MACROD2: variants seen among roughly 807,000 people sequenced by gnomAD.
MACROD2 encodes ADP-ribose glycohydrolase MACROD2.
MACROD2 carries 36 observed loss-of-function variants against 70.4 expected under a neutral mutation model. That is an observed-to-expected ratio of 0.51 (90% CI 0.39 to 0.68). The LOEUF is 0.68. Ranked by LOEUF, MACROD2 falls within the 30% of genes least tolerant of loss-of-function variation. MACROD2 has a pLI of 0.00. For missense variants in MACROD2, 496 were observed against 538.4 expected, an observed-to-expected ratio of 0.92 and a Z score of 0.78; for synonymous variants, 172 against 178.8, an observed-to-expected ratio of 0.96 and a Z score of 0.30.
chr20:14,810,406 C>G (rs2072694688), intron 5 of MACROD2, among the ~76,000 whole-genome samples: 1 of 152,070 alleles, frequency 6.6e-6, no homozygotes, highest in South Asian at 2.1e-4. Context: ...ATGCTAAAAA[C>G]TCTCAATAAA....
intron 5 of MACROD2, among the ~76,000 whole-genome samples, chr20:15,182,010 A>G (rs1331701457): frequency 6.6e-6 from 1 of 152,164 alleles, no homozygotes; most frequent in Non-Finnish European, 1.5e-5. Context: ...AGGTGGTCAG[A>G]TCATACCCCT....
At chr20:14,528,852 G>T (rs1568655781) in intron 4 of MACROD2, among the ~76,000 whole-genome samples, 4 of 152,248 alleles carry the variant, frequency 2.6e-5, no homozygotes, top group Admixed American at 2.0e-4. Flanking sequence ...GTAGGTGCAA[G>T]TTATCTAATT....
At chr20:14,177,669 G>T (rs910693931) in intron 3 of MACROD2, among the ~76,000 whole-genome samples, 17 of 152,188 alleles carry the variant, frequency 1.1e-4, no homozygotes, top group African/African-American at 4.1e-4. Context: ...ATCGACCAAT[G>T]ACCAGTGAAA....
intron 2 of MACROD2, among the ~76,000 whole-genome samples, chr20:14,059,062 C>T (rs1192128016): frequency 4.6e-5 from 7 of 152,090 alleles, no homozygotes; most frequent in Non-Finnish European, 8.8e-5. Flanking sequence ...TTTAATTCTC[C>T]TGAAAACTAT....
intron 8 of MACROD2, among the ~76,000 whole-genome samples, chr20:15,736,781 C>A (rs1209036407): frequency 1.3e-5 from 2 of 152,132 alleles, no homozygotes; most frequent in Non-Finnish European, 2.9e-5. Flanking sequence ...CTTTAAGTAG[C>A]CATTGGCTCC....
chr20:15,860,387 C>T (rs781558535), intron 8 of MACROD2, among the ~76,000 whole-genome samples: 9 of 151,984 alleles, frequency 5.9e-5, no homozygotes, highest in Non-Finnish European at 1.2e-4. Context: ...ATTTTTTGAT[C>T]GGTTGGTTGA....
At chr20:15,129,934 A>G (rs1473046792) in intron 5 of MACROD2, among the ~76,000 whole-genome samples, 1 of 152,126 alleles carries the variant, frequency 6.6e-6, no homozygotes, top group Non-Finnish European at 1.5e-5. Context: ...GAGGAACAGA[A>G]AGCAGTAGAG....
intron 8 of MACROD2, among the ~76,000 whole-genome samples, chr20:15,526,008 C>T (rs2047716541): frequency 6.6e-6 from 1 of 152,080 alleles, no homozygotes; most frequent in African/African-American, 2.4e-5. Context: ...TTATTTTTAA[C>T]ATCTAATAAA....
chr20:14,963,061 G>A (rs2074599105), intron 5 of MACROD2, among the ~76,000 whole-genome samples: 1 of 152,090 alleles, frequency 6.6e-6, no homozygotes, highest in South Asian at 2.1e-4. Context: ...TTAGCTAGTG[G>A]TTATTCAGAA....
intron 4 of MACROD2, among the ~76,000 whole-genome samples, chr20:14,671,564 A>G (rs2070794756): frequency 6.6e-6 from 1 of 152,152 alleles, no homozygotes; most frequent in Non-Finnish European, 1.5e-5. Context: ...ATCAGTCCCT[A>G]CGTTTTTGGA....
chr20:14,107,825 C>G (rs566088065), intron 3 of MACROD2, among the ~76,000 whole-genome samples: 21 of 152,148 alleles, frequency 1.4e-4, no homozygotes, highest in South Asian at 1.0e-3. Flanking sequence ...GAAAGACCTT[C>G]CCAGAGAAAG....
In MACROD2 at chr20:15,648,628, C is replaced by T. The variant is rs1165212400; in HGVS notation, c.645+148781C>T. Among the ~76,000 whole-genome samples, 6 of 152,098 alleles carry T rather than the reference C, an allele frequency of 3.9e-5. No individual in the cohort carries two copies. The East Asian group carries it at 5.8e-4, about 15-fold the overall frequency. ...CATTTGTGTTCATTGCTCTTTCTCA[C>T]GCGACAGTGTTTGACACATAAAATG... is the stretch of plus-strand genomic sequence containing the variant. On this transcript the variant is annotated intron_variant, in intron 8 of 17. Transcript: ENST00000684519.
chr20:14,391,263 A>G (rs945150652), intron 3 of MACROD2, among the ~76,000 whole-genome samples: 2 of 152,200 alleles, frequency 1.3e-5, no homozygotes, highest in Non-Finnish European at 2.9e-5. Context: ...AAAATGTGGT[A>G]TGTTACATCA....
At chr20:15,069,344 A>G (rs1165951001) in intron 5 of MACROD2, among the ~76,000 whole-genome samples, 1 of 152,204 alleles carries the variant, frequency 6.6e-6, no homozygotes, top group Admixed American at 6.5e-5. Context: ...TGTGGTAGAA[A>G]AGGAAAAAGC....
intron 6 of MACROD2, among the ~76,000 whole-genome samples, chr20:15,287,332 T>C (rs2077501126): frequency 6.6e-6 from 1 of 152,250 alleles, no homozygotes; most frequent in African/African-American, 2.4e-5. Flanking sequence ...AAATGATAGC[T>C]TTAATGATGT....
At chr20:15,641,742 G>T (rs2049463400) in intron 8 of MACROD2, among the ~76,000 whole-genome samples, 1 of 152,302 alleles carries the variant, frequency 6.6e-6, no homozygotes, top group Middle Eastern at 3.4e-3. Context: ...AGACAAGGAA[G>T]ATATAGAATA....
intron 5 of MACROD2, among the ~76,000 whole-genome samples, chr20:15,024,452 T>C (rs1482331833): frequency 1.3e-5 from 2 of 152,094 alleles, no homozygotes; most frequent in African/African-American, 4.8e-5. Flanking sequence ...TCTAAATTAA[T>C]TTGGTTTATT....
intron 5 of MACROD2, among the ~76,000 whole-genome samples, chr20:15,218,339 C>T (rs137942508): frequency 2.0e-5 from 3 of 152,276 alleles, no homozygotes; most frequent in Non-Finnish European, 4.4e-5. Context: ...CACAGTTTGC[C>T]AGTTCAACTC....
intron 3 of MACROD2, among the ~76,000 whole-genome samples, chr20:14,266,075 C>T (rs770893048): frequency 7.2e-5 from 11 of 152,180 alleles, no homozygotes; most frequent in Non-Finnish European, 1.2e-4. Context: ...CACTCCTGGC[C>T]TCCCTTGTAC....
Sources: allele counts gnomAD v4.1 joint callset (sites outside exome capture counted in the v4.1 genomes callset), GRCh38; gene constraint gnomAD v4.1.1; transcripts MANE v1.5; gene names NCBI Gene and HGNC (gene_info 2026-07-23, HGNC 2026-07-21).